The following CPED1 variants were observed in gnomAD, a reference collection of about 807,000 sequenced individuals.
CPED1 encodes the protein cadherin like and PC-esterase domain containing 1, also known as cadherin-like and PC-esterase domain-containing protein 1.
A neutral mutation model predicts 128.2 loss-of-function variants in CPED1; 114 were observed. The observed-to-expected ratio is 0.89, with a 90% CI of 0.76 to 1.04. The LOEUF is 1.04. CPED1 is among the 50% of genes least tolerant of loss of function. The pLI, the probability that CPED1 is intolerant of heterozygous loss-of-function variation, is 0.00. For missense variants in CPED1, 1,211 were observed against 1,207.1 expected (o/e 1.00, Z -0.05); for synonymous variants, 462 against 426.7 (o/e 1.08, Z -1.02).
chr7:121,271,716 T>C (rs1343633592), intron 22 of CPED1, among the ~76,000 whole-genome samples: 2 of 152,056 alleles, frequency 1.3e-5, no homozygotes, highest in African/African-American at 4.8e-5. Flanking sequence ...TTATTTTCTC[T>C]AATAGACTTC....
At chr7:121,043,156 GT>G (rs1295345484) in intron 3 of CPED1, among the ~76,000 whole-genome samples, 1 of 152,158 alleles carries the variant, frequency 6.6e-6, no homozygotes, top group Non-Finnish European at 1.5e-5. Flanking sequence ...GGAAAAAAGT[GT>G]AACGAGAGAG....
chr7:121,028,571 C>T (rs1298116829), intron 3 of CPED1, among the ~76,000 whole-genome samples: 1 of 152,182 alleles, frequency 6.6e-6, no homozygotes, highest in South Asian at 2.1e-4. Flanking sequence ...TTTAGACTGT[C>T]TTTGGACACA....
At chr7:121,250,928 A>G (rs1437059906) in intron 18 of CPED1, among the ~76,000 whole-genome samples, 5 of 152,188 alleles carry the variant, frequency 3.3e-5, no homozygotes, top group African/African-American at 1.2e-4. Flanking sequence ...AATTATTCCA[A>G]TCAATAGAAA....
At chr7:121,027,283 T>C (rs1422105542) in intron 3 of CPED1, among the ~76,000 whole-genome samples, 1 of 152,154 alleles carries the variant, frequency 6.6e-6, no homozygotes, top group African/African-American at 2.4e-5. Flanking sequence ...GTGTCATACT[T>C]TTTGATAATT....
At chr7:121,184,407 G>T (rs1316988894) in intron 16 of CPED1, among the ~76,000 whole-genome samples, 1 of 152,146 alleles carries the variant, frequency 6.6e-6, no homozygotes, top group African/African-American at 2.4e-5. Flanking sequence ...AAAACATATT[G>T]CTACTTTAAT....
intron 5 of CPED1, among the ~76,000 whole-genome samples, chr7:121,065,320 TATAAC>T (rs1793802722): frequency 6.6e-6 from 1 of 152,344 alleles, no homozygotes; most frequent in South Asian, 2.1e-4. Context: ...ATATGACAAT[TATAAC>T]TGACTACATA....
intron 10 of CPED1, among the ~76,000 whole-genome samples, chr7:121,127,941 T>C (rs1795549960): frequency 6.6e-6 from 1 of 152,212 alleles, no homozygotes; most frequent in African/African-American, 2.4e-5. Flanking sequence ...TATAGTATAC[T>C]TTAAAAGAAA....
At chr7:121,092,681 A>G (rs1730963057) in intron 5 of CPED1, among the ~76,000 whole-genome samples, 1 of 152,134 alleles carries the variant, frequency 6.6e-6, no homozygotes, top group Non-Finnish European at 1.5e-5. Context: ...TGCTCCTCAA[A>G]TAGTAGTTAG....
rs140091798 is a variant in CPED1 at position 121,096,885 on chromosome 7, A to G, written c.617-814A>G. Among the ~76,000 whole-genome samples, 474 of 152,228 alleles carry G rather than the reference A, an allele frequency of 3.1e-3. 4 individuals carry two copies. Among genetic ancestry groups the G allele is most frequent in the Non-Finnish European group, 4.8e-3 (329 of 67,990 alleles). On this transcript the variant is annotated intron_variant, in intron 5 of 22. Coordinates refer to ENST00000310396, the MANE Select transcript of CPED1 (RefSeq NM_024913.5). ...ATTAAAAAAACAAACAGAAATACCT[A>G]CATATATAGGTTCATGTAGATACAT...
At chr7:121,045,924 T>A (rs1468084574) in intron 3 of CPED1, among the ~76,000 whole-genome samples, 1 of 152,124 alleles carries the variant, frequency 6.6e-6, no homozygotes, top group Non-Finnish European at 1.5e-5. Context: ...TTGTTTTTTC[T>A]CCATGAGGTA....
chr7:121,047,673 C>T (rs1793237325), intron 4 of CPED1, among the ~76,000 whole-genome samples: 4 of 9,570 alleles, frequency 4.2e-4, no homozygotes, highest in Non-Finnish European at 1.0e-3. Context: ...TCTTCTTCTT[C>T]TTCTTCTTCT....
rs745493109 is a variant in CPED1, at chr7:121,019,598, T to C, written c.433+3750T>C. On this transcript the variant is annotated intron_variant, in intron 3 of 22. Transcript: ENST00000310396. ...CAATGCAACAGTCTGCTTGCTATTA[T>C]GCTATTACATTGCCTATGATTTAAC... Among the ~76,000 whole-genome samples the C allele has an allele frequency of 2.0e-5, 3 of 152,086 alleles. No individual in the cohort carries two copies. The East Asian group carries it at 5.8e-4, about 29-fold the overall frequency.
chr7:121,007,638 A>G (rs957526587), intron 2 of CPED1, among the ~76,000 whole-genome samples: 2 of 152,170 alleles, frequency 1.3e-5, no homozygotes, highest in Non-Finnish European at 2.9e-5. Flanking sequence ...TTCCCTTCTA[A>G]TAGAAACTAG....
intron 16 of CPED1, among the ~76,000 whole-genome samples, chr7:121,159,560 A>C (rs1379028426): frequency 6.6e-6 from 1 of 152,232 alleles, no homozygotes; most frequent in Non-Finnish European, 1.5e-5. Context: ...GTATTTTTAA[A>C]TGAACCTACC....
chr7:121,291,500 T>C (rs1439478348), intron 22 of CPED1, among the ~76,000 whole-genome samples: 1 of 152,244 alleles, frequency 6.6e-6, no homozygotes, highest in Non-Finnish European at 1.5e-5. Context: ...TAGTTCTCCT[T>C]GAAGAGGTTC....
At chr7:121,027,701 C>A (rs1174044881) in intron 3 of CPED1, among the ~76,000 whole-genome samples, 1 of 150,190 alleles carries the variant, frequency 6.7e-6, no homozygotes, top group Non-Finnish European at 1.5e-5. Context: ...ATCTCTGTTG[C>A]CAAAGAAAGA....
At chr7:121,079,875 C>T (rs1486453875) in intron 5 of CPED1, among the ~76,000 whole-genome samples, 5 of 152,184 alleles carry the variant, frequency 3.3e-5, no homozygotes, top group African/African-American at 1.2e-4. Context: ...GTGCCAAATG[C>T]CACTAGAAAT....
At chr7:121,225,596 C>T (rs1797987322) in intron 16 of CPED1, among the ~76,000 whole-genome samples, 1 of 152,132 alleles carries the variant, frequency 6.6e-6, no homozygotes, top group Admixed American at 6.6e-5. Context: ...TCCATTCTCC[C>T]CATCACTTTC....
chr7:121,092,153 T>C (rs373171257), intron 5 of CPED1, among the ~76,000 whole-genome samples: 2 of 152,194 alleles, frequency 1.3e-5, no homozygotes, highest in African/African-American at 4.8e-5. Context: ...GAGCTGTGGA[T>C]CCCTTCCTGG....
Sources: allele counts gnomAD v4.1 joint callset (sites outside exome capture counted in the v4.1 genomes callset), GRCh38; gene constraint gnomAD v4.1.1; transcripts MANE v1.5; gene names NCBI Gene and HGNC (gene_info 2026-07-23, HGNC 2026-07-21).